Variants in PLD1 observed in about 807,000 individuals in gnomAD.
The protein encoded by PLD1 is choline phosphatase 1.
A neutral mutation model predicts 137.1 loss-of-function variants in PLD1; 112 were observed. The observed-to-expected ratio is 0.82, with a 90% CI of 0.70 to 0.96. The LOEUF (loss-of-function observed/expected upper bound fraction) is 0.96, where lower values mean the gene tolerates loss of function less well. PLD1 is among the 40% of genes least tolerant of loss of function. The probability of loss-of-function intolerance (pLI) is 0.00; values close to 1 mark genes in which losing one functional copy is unlikely to be tolerated. For synonymous variants in PLD1, 431 were observed against 454.7 expected, an observed-to-expected ratio of 0.95 and a Z score of 0.66; for missense variants, 1,321 against 1,342.0, an observed-to-expected ratio of 0.98 and a Z score of 0.24.
intron 1 of PLD1, chr3:171,771,493 A>G (rs1224187520): frequency 2.0e-5 from 3 of 152,218 alleles, no homozygotes; most frequent in African/African-American, 7.2e-5. Context: ...AAACCCACAT[A>G]CAGAATGAGC....
At chr3:171,785,867 G>A (rs1722993703) in intron 1 of PLD1, among the ~76,000 whole-genome samples, 1 of 152,206 alleles carries the variant, frequency 6.6e-6, no homozygotes, top group Non-Finnish European at 1.5e-5. Flanking sequence ...GTGGGCAGAG[G>A]CTGCTTCTTT....
intron 6 of PLD1, among the ~76,000 whole-genome samples, chr3:171,729,384 T>A (rs569981319): frequency 3.5e-4 from 53 of 152,294 alleles, no homozygotes; most frequent in African/African-American, 1.3e-3. Context: ...CAAAAATATT[T>A]CCATGCCAAG....
chr3:171,693,931 T>C (rs1715445250), intron 12 of PLD1, among the ~76,000 whole-genome samples: 1 of 152,192 alleles, frequency 6.6e-6, no homozygotes, highest in Non-Finnish European at 1.5e-5. Flanking sequence ...TGTAATGCTA[T>C]ACGATCTAAC....
At chr3:171,800,930 A>ATGGTGAG (rs1723620066) in intron 1 of PLD1, among the ~76,000 whole-genome samples, 2 of 152,150 alleles carry the variant, frequency 1.3e-5, no homozygotes, top group African/African-American at 4.8e-5. Context: ...TAAAGGCCTC[A>ATGGTGAG]CCTCCTAATA....
chr3:171,809,388 GC>G (rs978995356), intron 1 of PLD1: 13 of 152,054 alleles, frequency 8.5e-5, no homozygotes, highest in African/African-American at 3.1e-4. Context: ...AGTTTTCATT[GC>G]ACCACCACGA....
chr3:171,650,974 G>A (rs1736698376), intron 21 of PLD1, among the ~76,000 whole-genome samples: 1 of 152,084 alleles, frequency 6.6e-6, no homozygotes, highest in African/African-American at 2.4e-5. Flanking sequence ...AGCAGAGTAC[G>A]AATGTACCAT....
chr3:171,616,408 G>A (rs1257831812), intron 24 of PLD1, among the ~76,000 whole-genome samples: 7 of 152,268 alleles, frequency 4.6e-5, no homozygotes, highest in Admixed American at 2.0e-4. Context: ...CAAAATGTCC[G>A]TGTTCAAATC....
At position 171,677,584 on chromosome 3, in the gene PLD1, G is replaced by A; in HGVS notation, c.1978C>T (p.Leu660Phe). 1 of 1,613,988 alleles carries A rather than the reference G, an allele frequency of 6.2e-7. No homozygotes were observed. The highest frequency in any genetic ancestry group is 1.7e-5 in the Admixed American group (1 of 60,004). ...CNFVFKDWVQLDKPFADFIDR... is the reference protein window; with the variant it reads ...CNFVFKDWVQFDKPFADFIDR... ...TACTCACCAGCAAAAGGTTTATCAA[G>A]TTGAACCCAGTCTTTGAAGACGAAA... Residue 660 changes from leucine to phenylalanine, a missense_variant, in exon 17 of 27, where the codon CTT becomes TTT. Transcript: ENST00000351298.
intron 16 of PLD1, among the ~76,000 whole-genome samples, chr3:171,680,868 TC>T (rs1465803501): frequency 5.3e-5 from 8 of 152,188 alleles, no homozygotes; most frequent in Non-Finnish European, 1.2e-4. Context: ...AAAAAGTTTC[TC>T]CCATTTACTT....
At chr3:171,715,415 T>A (rs1014725309) in intron 8 of PLD1, among the ~76,000 whole-genome samples, 17 of 152,222 alleles carry the variant, frequency 1.1e-4, no homozygotes, top group Non-Finnish European at 1.6e-4. Flanking sequence ...GTTTGTTTTT[T>A]GTTTTTGTTT....
At chr3:171,773,631 TA>T in intron 1 of PLD1, among the ~76,000 whole-genome samples, 1 of 150,436 alleles carries the variant, frequency 6.6e-6, no homozygotes, top group Non-Finnish European at 1.5e-5. Context: ...ACAAACTAAC[TA>T]AAATGAATAA....
intron 2 of PLD1, 55 bp downstream of exon 2, chr3:171,737,837 T>C (rs1719483093): frequency 6.4e-7 from 1 of 1,556,090 alleles, no homozygotes; most frequent in Non-Finnish European, 8.7e-7. Flanking sequence ...ATTTGTGGTC[T>C]TCCGACCAAC....
At chr3:171,781,905 AAC>A (rs1491072333) in intron 1 of PLD1, among the ~76,000 whole-genome samples, 1 of 152,226 alleles carries the variant, frequency 6.6e-6, no homozygotes, top group Non-Finnish European at 1.5e-5. Flanking sequence ...GAGAAAAGAA[AAC>A]ACAGCCACAA....
intron 8 of PLD1, among the ~76,000 whole-genome samples, chr3:171,722,966 G>A (rs550192551): frequency 9.5e-4 from 144 of 152,004 alleles, no homozygotes; most frequent in Non-Finnish European, 1.7e-3. Flanking sequence ...GATAAATGGG[G>A]TATCCATCAC....
intron 20 of PLD1, 49 bp from the exon 21 acceptor site, chr3:171,659,350 A>C: frequency 1.7e-6 from 2 of 1,172,290 alleles, no homozygotes; most frequent in Non-Finnish European, 2.6e-6. Context: ...TTTCTTAGCA[A>C]TATACGTAAG....
chr3:171,728,741 C>G (rs1010176278), intron 6 of PLD1, among the ~76,000 whole-genome samples: 52 of 152,312 alleles, frequency 3.4e-4, no homozygotes, highest in African/African-American at 1.2e-3. Context: ...TCTCTGAAAT[C>G]ATTCAGAAAT....
intron 25 of PLD1, among the ~76,000 whole-genome samples, chr3:171,607,003 C>T (rs757893570): frequency 1.2e-4 from 18 of 152,124 alleles, no homozygotes; most frequent in Non-Finnish European, 2.1e-4. Flanking sequence ...TATCAACTCA[C>T]GAAAAAGTTC....
At chr3:171,648,375 C>T (rs1736443706) in intron 21 of PLD1, among the ~76,000 whole-genome samples, 1 of 152,164 alleles carries the variant, frequency 6.6e-6, no homozygotes, top group Admixed American at 6.5e-5. Context: ...CTCCTTCATC[C>T]TGAGGGCAAC....
intron 12 of PLD1, among the ~76,000 whole-genome samples, chr3:171,693,230 G>A (rs1284477284): frequency 6.6e-6 from 1 of 152,188 alleles, no homozygotes; most frequent in East Asian, 1.9e-4. Flanking sequence ...TAGTTCATGA[G>A]CATGATGATT....
Sources: allele counts gnomAD v4.1 joint callset (sites outside exome capture counted in the v4.1 genomes callset), GRCh38; gene constraint gnomAD v4.1.1; transcripts MANE v1.5; gene names NCBI Gene and HGNC (gene_info 2026-07-23, HGNC 2026-07-21).